The following LRBA variants were observed in gnomAD, a reference collection of about 807,000 sequenced individuals.
LRBA encodes the protein lipopolysaccharide-responsive and beige-like anchor protein.
In LRBA, 176 loss-of-function variants were observed where a neutral mutation model predicts 330.0. That is an observed-to-expected ratio of 0.53 (90% CI 0.47 to 0.60). The LOEUF is 0.60. LRBA is among the 20% of genes least tolerant of loss of function. LRBA has a pLI of 0.00. For synonymous variants in LRBA, 1,230 were observed against 1,193.0 expected (o/e 1.03, Z -0.64); for missense variants, 3,259 against 3,444.8 (o/e 0.95, Z 1.35).
rs202226194 is a variant in LRBA, at chr4:150,982,602, C to CA, written c.216+31824dup. 4.4e-3 allele frequency among the ~76,000 whole-genome samples: 514 copies of CA among 116,906 alleles called. 6 individuals carry two copies. Among genetic ancestry groups the CA allele is most frequent in the East Asian group, 0.018 (70 of 3,956 alleles). 76.7% of individuals were successfully genotyped at this position (116,906 alleles called of 152,430 possible). ...TTAATTTTGTTTCATTTGTATTTGC[C>CA]AAAAAAAAAAAAAACACCCATAGAA... is the stretch of plus-strand genomic sequence containing the variant. On this transcript the variant is annotated intron_variant, in intron 2 of 56. Coordinates refer to ENST00000651943, the MANE Select transcript of LRBA (RefSeq NM_001364905.1).
At position 150,336,516 on chromosome 4, in the gene LRBA, C is replaced by T. The variant is rs572551249; in HGVS notation, c.7363-10618G>A. On this transcript the variant is annotated intron_variant, in intron 48 of 56. Transcript: ENST00000651943. Reference sequence around the variant, plus strand: ...CATAAAAAATAAAGAGAAAGAGCAGCTTGTTAAATAAAGTAAAACATATTT... The same window carrying T: ...CATAAAAAATAAAGAGAAAGAGCAGTTTGTTAAATAAAGTAAAACATATTT... Among the ~76,000 whole-genome samples, 267 of 151,764 alleles carry T rather than the reference C, an allele frequency of 1.8e-3. 4 individuals carry two copies. Among genetic ancestry groups the T allele is most frequent in the African/African-American group, 5.8e-3 (239 of 41,350 alleles).
chr4:150,408,995 T>C (rs1246213414), intron 47 of LRBA, among the ~76,000 whole-genome samples: 1 of 152,154 alleles, frequency 6.6e-6, no homozygotes, highest in African/African-American at 2.4e-5. Flanking sequence ...CAAATTTTTA[T>C]GTTAAAGTCT....
intron 46 of LRBA, among the ~76,000 whole-genome samples, chr4:150,418,185 T>C (rs558567037): frequency 6.6e-6 from 1 of 152,222 alleles, no homozygotes; most frequent in Middle Eastern, 3.4e-3. Flanking sequence ...GCCTGGCTAA[T>C]TTTTTAATTT....
chr4:150,528,385 T>C (rs1763697760), intron 40 of LRBA, among the ~76,000 whole-genome samples: 2 of 151,630 alleles, frequency 1.3e-5, no homozygotes, highest in Non-Finnish European at 2.9e-5. Flanking sequence ...CCTGTAGTCT[T>C]AGCTACTCGG....
At chr4:150,470,682 G>A (rs543817880) in intron 43 of LRBA, among the ~76,000 whole-genome samples, 8 of 152,122 alleles carry the variant, frequency 5.3e-5, no homozygotes, top group East Asian at 3.9e-4. Flanking sequence ...TCCCACTAAC[G>A]CAGGCCAGAA....
chr4:150,916,314 T>C (rs764955782), intron 7 of LRBA, 87 bp downstream of exon 7: 1 of 1,336,204 alleles, frequency 7.5e-7, no homozygotes, highest in Non-Finnish European at 1.0e-6. Context: ...TGCTTTAGCA[T>C]GTTATTATAT....
At chr4:150,323,034 T>C (rs1477713041) in intron 49 of LRBA, among the ~76,000 whole-genome samples, 19 of 151,152 alleles carry the variant, frequency 1.3e-4, no homozygotes, top group Admixed American at 7.9e-4. Flanking sequence ...TGGGGATGCA[T>C]TGATGGTTGA....
chr4:150,622,963 T>C (rs1027294845), intron 37 of LRBA, among the ~76,000 whole-genome samples: 1 of 151,822 alleles, frequency 6.6e-6, no homozygotes, highest in Non-Finnish European at 1.5e-5. Context: ...TCCCAAAGTG[T>C]TGGGATTACA....
At chr4:150,660,757 C>CTG (rs1780985782) in intron 37 of LRBA, among the ~76,000 whole-genome samples, 1 of 127,578 alleles carries the variant, frequency 7.8e-6, no homozygotes, top group African/African-American at 2.9e-5. Flanking sequence ...TCCTGTTGAT[C>CTG]TGTGACCTTA....
chr4:150,535,413 C>T (rs1764541581), intron 40 of LRBA, among the ~76,000 whole-genome samples: 1 of 152,218 alleles, frequency 6.6e-6, no homozygotes, highest in Non-Finnish European at 1.5e-5. Context: ...ACTGGGATTA[C>T]AGGCACAAGC....
At chr4:150,919,844 C>T (rs946948215) in intron 5 of LRBA, among the ~76,000 whole-genome samples, 1 of 152,182 alleles carries the variant, frequency 6.6e-6, no homozygotes, top group African/African-American at 2.4e-5. Flanking sequence ...TTCAGCTCAC[C>T]TGCCCTACTT....
chr4:150,687,455 A>G (rs369134199), intron 36 of LRBA, among the ~76,000 whole-genome samples: 16 of 152,126 alleles, frequency 1.1e-4, no homozygotes, highest in African/African-American at 3.6e-4. Flanking sequence ...TTTTATATCA[A>G]CTTTTCTGTG....
chr4:150,812,447 T>A (rs975820918), intron 31 of LRBA, among the ~76,000 whole-genome samples: 3 of 152,192 alleles, frequency 2.0e-5, no homozygotes, highest in African/African-American at 2.4e-5. Flanking sequence ...ATAACTAATG[T>A]CCCTTGCAAT....
chr4:150,321,493 T>A lies in LRBA; in HGVS notation c.7453-125A>T, dbSNP rs1732511043. 1.4e-6 allele frequency: 1 copy of A among 729,330 alleles called. No homozygotes were observed. The highest frequency in any genetic ancestry group is 2.1e-6 in the Non-Finnish European group (1 of 471,128). The allele number at this position is 729,330 out of a possible 1,614,324, so 45.2% of individuals were successfully genotyped here. A position where few individuals can be genotyped will look rare whatever the true frequency, so the allele number is the denominator to read the frequency against. ...AGAGGAAGACCATATTAACATGAGT[T>A]GTAAGTGGAAGCACAGTGAGCAGAA... On this transcript the variant is annotated intron_variant, in intron 49 of 56. Transcript: ENST00000651943. This position sits in a 1 kb window ranked among gnomAD's most constrained non-coding sequence, Gnocchi z 4.5.
intron 47 of LRBA, among the ~76,000 whole-genome samples, chr4:150,377,461 G>A (rs570408672): frequency 6.6e-6 from 1 of 152,212 alleles, no homozygotes; most frequent in Admixed American, 6.5e-5. Flanking sequence ...GTAAATTAAA[G>A]GACCCTTATA....
chr4:150,907,541 G>A (rs1731487500), intron 11 of LRBA, among the ~76,000 whole-genome samples: 1 of 151,476 alleles, frequency 6.6e-6, no homozygotes, highest in Non-Finnish European at 1.5e-5. Context: ...AAAATAATGA[G>A]GACAATTACC....
At chr4:150,857,381 T>A (rs1043299314) in intron 22 of LRBA, among the ~76,000 whole-genome samples, 1 of 152,154 alleles carries the variant, frequency 6.6e-6, no homozygotes, top group Non-Finnish European at 1.5e-5. Context: ...TTTATAAAGA[T>A]AGGAAGAACA....
At chr4:150,979,575 T>C (rs1474603025) in intron 2 of LRBA, among the ~76,000 whole-genome samples, 2 of 152,158 alleles carry the variant, frequency 1.3e-5, no homozygotes, top group East Asian at 1.9e-4. Flanking sequence ...CAATAAAATA[T>C]AAACAGAAAC....
At chr4:150,973,736 T>C (rs1739841794) in intron 2 of LRBA, among the ~76,000 whole-genome samples, 1 of 152,208 alleles carries the variant, frequency 6.6e-6, no homozygotes, top group Non-Finnish European at 1.5e-5. Context: ...CTTGTGCCTG[T>C]AACCCCAGCA....
Sources: gnomAD v4.1 joint callset for allele counts (sites outside exome capture counted in the v4.1 genomes callset) on GRCh38, gnomAD v4.1.1 for gene constraint, Gnocchi (gnomAD v3.1) non-coding constraint, MANE v1.5 for transcripts, NCBI Gene and HGNC (gene_info 2026-07-23, HGNC 2026-07-21) for gene names.